The following TXLNB variants were observed in gnomAD, a reference collection of about 807,000 sequenced individuals.
TXLNB encodes beta-taxilin.
A neutral mutation model predicts 57.4 loss-of-function variants in TXLNB; 37 were observed. The ratio of observed to expected loss-of-function variants is 0.64; its 90% confidence interval spans 0.50 to 0.85. The LOEUF is 0.85. Among genes scored for constraint, TXLNB ranks in the 40% least tolerant of loss-of-function variants. TXLNB has a pLI of 0.00. For synonymous variants in TXLNB, 302 were observed against 309.6 expected, an observed-to-expected ratio of 0.98 and a Z score of 0.26; for missense variants, 848 against 825.6, an observed-to-expected ratio of 1.03 and a Z score of -0.33.
At chr6:139,273,135 G>A (rs1184991058) in intron 3 of TXLNB, among the ~76,000 whole-genome samples, 1 of 152,210 alleles carries the variant, frequency 6.6e-6, no homozygotes, top group African/African-American at 2.4e-5. Flanking sequence ...CCATATGTCA[G>A]GGCTTCTGAA....
the TXLNB span, among the ~76,000 whole-genome samples, chr6:139,298,729 T>C: frequency 6.6e-6 from 1 of 152,172 alleles, no homozygotes; most frequent in African/African-American, 2.4e-5. Context: ...AAGTATGTGA[T>C]ATAGTTTGGA....
the TXLNB span, among the ~76,000 whole-genome samples, chr6:139,233,410 TTTATATATATATAAATAAATATAG>T: frequency 1.2e-4 from 17 of 139,922 alleles, no homozygotes; most frequent in Middle Eastern, 7.3e-3. Context: ...TTTATATAAA[TTTATATATATATAAATAAATATAG>T]ATAGATAGAT....
the TXLNB span, among the ~76,000 whole-genome samples, chr6:139,210,225 G>A: frequency 2.0e-5 from 3 of 152,116 alleles, no homozygotes; most frequent in Non-Finnish European, 2.9e-5. Flanking sequence ...TGTTGGAGGG[G>A]GGTGTGGTGA....
downstream of TXLNB, among the ~76,000 whole-genome samples, chr6:139,238,350 C>A (rs9484250): frequency 0.022 from 3,327 of 152,204 alleles, 132 homozygotes; most frequent in African/African-American, 0.077. Flanking sequence ...GCCGATATCA[C>A]GCCACTGCAC....
At chr6:139,189,829 T>C in the TXLNB span, among the ~76,000 whole-genome samples, 2 of 152,188 alleles carry the variant, frequency 1.3e-5, no homozygotes, top group African/African-American at 4.8e-5. Flanking sequence ...TACAGAGATA[T>C]TGCTAGCTGT....
the TXLNB span, among the ~76,000 whole-genome samples, chr6:139,160,987 A>G: frequency 2.0e-5 from 3 of 152,120 alleles, no homozygotes; most frequent in Non-Finnish European, 2.9e-5. Flanking sequence ...CTGGCATCAG[A>G]CACCTCTCTT....
intron 7 of TXLNB, chr6:139,251,489 G>C (rs1264825387): frequency 6.6e-6 from 1 of 152,152 alleles, no homozygotes; most frequent in Admixed American, 6.5e-5. Flanking sequence ...ATGGATATTT[G>C]TTTGGTAGCG....
At chr6:139,237,088 C>A (rs1026195888), downstream of TXLNB, among the ~76,000 whole-genome samples, 3 of 152,138 alleles carry the variant, frequency 2.0e-5, no homozygotes, top group Admixed American at 6.5e-5. Context: ...TTATGTCCCT[C>A]TTCCTTTCAT....
chr6:139,218,924 T>C, the TXLNB span, among the ~76,000 whole-genome samples: 1 of 152,198 alleles, frequency 6.6e-6, no homozygotes, highest in Admixed American at 6.5e-5. Context: ...ATATACTCTC[T>C]GTGGTGTAAA....
At chr6:139,193,842 T>TATATATATA in the TXLNB span, among the ~76,000 whole-genome samples, 3 of 45,720 alleles carry the variant, frequency 6.6e-5, no homozygotes, top group Admixed American at 2.2e-4. Context: ...ATATATATAT[T>TATATATATA]TTTTTTTTTT....
the TXLNB span, chr6:139,177,285 C>G: frequency 4.1e-6 from 2 of 487,478 alleles, no homozygotes; most frequent in Non-Finnish European, 7.4e-6. The surrounding 1 kb of genome is among the most constrained non-coding windows in gnomAD (Gnocchi z 4.9). Context: ...GAGTGTTAAT[C>G]TGTGGTTTTG....
At chr6:139,226,005 A>C in the TXLNB span, among the ~76,000 whole-genome samples, 5 of 152,284 alleles carry the variant, frequency 3.3e-5, no homozygotes, top group African/African-American at 7.2e-5. Context: ...GTTTAGAAAA[A>C]AGACACACAT....
chr6:139,212,906 A>G, the TXLNB span, among the ~76,000 whole-genome samples: 4 of 152,232 alleles, frequency 2.6e-5, no homozygotes, highest in South Asian at 8.3e-4. Context: ...TGGTAAAGGG[A>G]TCGATTCAAC....
rs763243962 is a variant in TXLNB, at chr6:139,255,603, C to T, written c.1038G>A (p.Ala346=). ...CTGTCTCTTGCTCCTTCAGCACTTTCGCCTGAAGTTTCCACTCTGCTGCCT... is the reference window on the plus strand; with the variant it reads ...CTGTCTCTTGCTCCTTCAGCACTTTTGCCTGAAGTTTCCACTCTGCTGCCT... ...LNQAAEWKLQ[A]KVLKEQETVL... Residue 346 remains alanine (A), a synonymous_variant, in exon 7 of 10, where the codon GCG becomes GCA. Transcript: ENST00000358430. 2.9e-5 allele frequency: 46 copies of T among 1,613,708 alleles called. No homozygotes were observed. The highest frequency in any genetic ancestry group is 8.3e-5 in the Admixed American group (5 of 59,996).
chr6:139,235,143 G>A (rs985113609), downstream of TXLNB, among the ~76,000 whole-genome samples: 1 of 152,174 alleles, frequency 6.6e-6, no homozygotes, highest in African/African-American at 2.4e-5. Context: ...AGACCTAGGT[G>A]AGGACAGGCG....
At chr6:139,297,398 T>C in the TXLNB span, among the ~76,000 whole-genome samples, 1 of 152,202 alleles carries the variant, frequency 6.6e-6, no homozygotes, top group Non-Finnish European at 1.5e-5. Context: ...TGGTTGTTCT[T>C]TCTTTCAGGA....
chr6:139,167,341 A>G, the TXLNB span: 5 of 1,520,614 alleles, frequency 3.3e-6, no homozygotes, highest in African/African-American at 1.4e-5. Flanking sequence ...GTGTTAATTC[A>G]CCTTGCCTGC....
the TXLNB span, among the ~76,000 whole-genome samples, chr6:139,162,743 G>T: frequency 6.6e-6 from 1 of 152,210 alleles, no homozygotes; most frequent in Non-Finnish European, 1.5e-5. Flanking sequence ...ACCCTCTGCT[G>T]ATTGATTTGG....
chr6:139,278,343 T>G (rs895864388), intron 2 of TXLNB, among the ~76,000 whole-genome samples: 3 of 152,094 alleles, frequency 2.0e-5, no homozygotes, highest in African/African-American at 7.2e-5. Context: ...CAACAGTTAG[T>G]TTTGTCTATC....
Sources: allele counts gnomAD v4.1 joint callset (sites outside exome capture counted in the v4.1 genomes callset), GRCh38; gene constraint gnomAD v4.1.1; non-coding constraint Gnocchi (gnomAD v3.1); transcripts MANE v1.5; gene names NCBI Gene and HGNC (gene_info 2026-07-23, HGNC 2026-07-21).